KCNIP4: variants seen among roughly 807,000 people sequenced by gnomAD.
The protein encoded by KCNIP4 is potassium voltage-gated channel interacting protein 4.
KCNIP4 carries 12 observed loss-of-function variants against 34.0 expected under a neutral mutation model. That is an observed-to-expected ratio of 0.35 (90% CI 0.23 to 0.57). The LOEUF (loss-of-function observed/expected upper bound fraction) is 0.57. Among genes scored for constraint, KCNIP4 ranks in the 20% least tolerant of loss-of-function variants. The pLI is 0.83. For missense variants in KCNIP4, 238 were observed against 311.7 expected, an observed-to-expected ratio of 0.76 and a Z score of 1.78; for synonymous variants, 124 against 102.2, an observed-to-expected ratio of 1.21 and a Z score of -1.29.
At position 21,247,578 on chromosome 4, in the gene KCNIP4, C is replaced by CATATATATATAT. The variant is rs368574338; in HGVS notation, c.62-364881_62-364870dup. ...CTATATATTTATATAGATATAAATACATATATATATATATACACCACAGAT... is the reference window on the plus strand; with the variant it reads ...CTATATATTTATATAGATATAAATACATATATATATATATATATATATATATACACCACAGAT... On this transcript the variant is annotated intron_variant, in intron 1 of 8. Transcript: ENST00000382152. 5.6e-3 allele frequency among the ~76,000 whole-genome samples: 755 copies of CATATATATATAT among 133,950 alleles called. 7 individuals carry two copies. Among genetic ancestry groups the CATATATATATAT allele is most frequent in the African/African-American group, 0.014 (503 of 35,426 alleles). The allele number at this position is 133,950 out of a possible 152,430, so 87.9% of individuals were successfully genotyped here.
intron 1 of KCNIP4, among the ~76,000 whole-genome samples, chr4:21,074,510 T>A (rs1472515048): frequency 6.6e-6 from 1 of 152,216 alleles, no homozygotes; most frequent in Non-Finnish European, 1.5e-5. Context: ...TTATTGCGTC[T>A]ATTTGATCCT....
At chr4:21,469,336 G>T (rs949917739) in intron 1 of KCNIP4, among the ~76,000 whole-genome samples, 1 of 152,000 alleles carries the variant, frequency 6.6e-6, no homozygotes. Context: ...ATGAGCCACC[G>T]CACCTGGCCA....
intron 1 of KCNIP4, among the ~76,000 whole-genome samples, chr4:20,969,601 C>T (rs1734725021): frequency 6.6e-6 from 1 of 151,980 alleles, no homozygotes; most frequent in Non-Finnish European, 1.5e-5. Context: ...ACAGTTCATT[C>T]TCTTGTCCCA....
intron 3 of KCNIP4, among the ~76,000 whole-genome samples, chr4:20,841,450 A>G (rs1719710039): frequency 6.6e-6 from 1 of 152,156 alleles, no homozygotes; most frequent in Admixed American, 6.6e-5. Flanking sequence ...CTACTTTAGG[A>G]GATATCAGAG....
chr4:21,717,964 A>C (rs1461722861), intron 1 of KCNIP4, among the ~76,000 whole-genome samples: 1 of 152,194 alleles, frequency 6.6e-6, no homozygotes, highest in Non-Finnish European at 1.5e-5. Flanking sequence ...CTCTGTTCTG[A>C]ATCTGTTCAT....
intron 1 of KCNIP4, among the ~76,000 whole-genome samples, chr4:21,483,135 G>C (rs1482680100): frequency 6.6e-6 from 1 of 150,570 alleles, no homozygotes; most frequent in African/African-American, 2.4e-5. Flanking sequence ...TAAATGATGA[G>C]TTAATGGGTG....
chr4:21,769,769 T>C (rs1718654985), intron 1 of KCNIP4, among the ~76,000 whole-genome samples: 1 of 152,114 alleles, frequency 6.6e-6, no homozygotes, highest in South Asian at 2.1e-4. Flanking sequence ...ATTATGTCTA[T>C]TAATGGGCTA....
chr4:21,941,644 T>C (rs562816066), intron 1 of KCNIP4, among the ~76,000 whole-genome samples: 1 of 152,286 alleles, frequency 6.6e-6, no homozygotes, highest in South Asian at 2.1e-4. Flanking sequence ...TGAGGACTCA[T>C]TTTTACCTAA....
At chr4:20,970,163 G>C (rs946728665) in intron 1 of KCNIP4, among the ~76,000 whole-genome samples, 1 of 151,946 alleles carries the variant, frequency 6.6e-6, no homozygotes, top group African/African-American at 2.4e-5. Flanking sequence ...GGATGGTCTC[G>C]ATCTCCTGAC....
At chr4:21,937,133 G>C (rs1701110617) in intron 1 of KCNIP4, among the ~76,000 whole-genome samples, 1 of 152,102 alleles carries the variant, frequency 6.6e-6, no homozygotes, top group African/African-American at 2.4e-5. Flanking sequence ...TGTAATAAAT[G>C]TGTGCTTCTC....
At chr4:20,969,609 C>G (rs966488499) in intron 1 of KCNIP4, among the ~76,000 whole-genome samples, 4 of 151,646 alleles carry the variant, frequency 2.6e-5, no homozygotes, top group Non-Finnish European at 4.4e-5. Flanking sequence ...TTCTCTTGTC[C>G]CATTAATTCC....
chr4:21,524,387 T>C (rs1735795901), intron 1 of KCNIP4, among the ~76,000 whole-genome samples: 1 of 152,182 alleles, frequency 6.6e-6, no homozygotes. Context: ...CCCCTAGACA[T>C]TCCCAAAAAT....
intron 1 of KCNIP4, among the ~76,000 whole-genome samples, chr4:21,029,196 G>T (rs565663481): frequency 1.3e-5 from 2 of 152,230 alleles, no homozygotes; most frequent in Admixed American, 1.3e-4. Context: ...TAAGATGAGG[G>T]TAACTTCAAT....
intron 1 of KCNIP4, among the ~76,000 whole-genome samples, chr4:21,136,905 G>T (rs530781567): frequency 2.0e-5 from 3 of 152,094 alleles, no homozygotes; most frequent in African/African-American, 7.2e-5. Context: ...TCTCCAACAA[G>T]ACCTCTCGTA....
At chr4:21,853,276 T>C (rs925639492) in intron 1 of KCNIP4, 2 of 152,168 alleles carry the variant, frequency 1.3e-5, no homozygotes, top group African/African-American at 4.8e-5. Context: ...CTTTAAAATA[T>C]AGGGCTCTAA....
intron 1 of KCNIP4, among the ~76,000 whole-genome samples, chr4:21,840,476 G>T (rs571559120): frequency 6.6e-6 from 1 of 152,214 alleles, no homozygotes; most frequent in East Asian, 1.9e-4. Flanking sequence ...AGCTAAGAGG[G>T]GTTGAAAATT....
intron 3 of KCNIP4, among the ~76,000 whole-genome samples, chr4:20,821,980 A>G (rs1296033380): frequency 1.3e-5 from 2 of 152,104 alleles, no homozygotes; most frequent in East Asian, 3.9e-4. Flanking sequence ...GCTGCTATAA[A>G]CATGCGTGTG....
At chr4:21,600,587 CCTAT>C (rs895522274) in intron 1 of KCNIP4, among the ~76,000 whole-genome samples, 21 of 152,042 alleles carry the variant, frequency 1.4e-4, no homozygotes, top group African/African-American at 4.8e-4. Flanking sequence ...TATCATTTCT[CCTAT>C]CTAACTGTGT....
intron 3 of KCNIP4, among the ~76,000 whole-genome samples, chr4:20,761,697 G>A (rs1053468161): frequency 1.3e-5 from 2 of 152,132 alleles, no homozygotes; most frequent in Non-Finnish European, 2.9e-5. Context: ...GCTGCCTTCA[G>A]TCTCTAGATA....
Sources: gnomAD v4.1 joint callset for allele counts (sites outside exome capture counted in the v4.1 genomes callset) on GRCh38, gnomAD v4.1.1 for gene constraint, MANE v1.5 for transcripts, NCBI Gene and HGNC (gene_info 2026-07-23, HGNC 2026-07-21) for gene names.